TBL1X: variants seen among roughly 807,000 people sequenced by gnomAD.
The protein encoded by TBL1X is F-box-like/WD repeat-containing protein TBL1X.
A neutral mutation model predicts 50.7 loss-of-function variants in TBL1X; 10 were observed. That is an observed-to-expected ratio of 0.20 (90% CI 0.12 to 0.33). TBL1X has a LOEUF of 0.33. Ranked by LOEUF, TBL1X falls within the 10% of genes least tolerant of loss-of-function variation. The pLI, the probability that TBL1X is intolerant of heterozygous loss-of-function variation, is 1.00. For missense variants in TBL1X, 340 were observed against 504.4 expected, an observed-to-expected ratio of 0.67 and a Z score of 3.12; for synonymous variants, 190 against 214.7, an observed-to-expected ratio of 0.88 and a Z score of 1.01.
intron 2 of TBL1X, among the ~76,000 whole-genome samples, chrX:9,595,394 G>A (rs957228396): frequency 1.8e-5 from 2 of 112,220 alleles, no homozygotes; most frequent in South Asian, 3.7e-4. Flanking sequence ...ACTGGGTGCC[G>A]GCCTGGTGGC....
intron 1 of TBL1X, among the ~76,000 whole-genome samples, chrX:9,470,821 A>G (rs2081809962): frequency 9.1e-6 from 1 of 110,422 alleles, no homozygotes; most frequent in Non-Finnish European, 1.9e-5. Flanking sequence ...TTTAGTAGAG[A>G]TGGCATTTCA....
chrX:9,521,957 G>T (rs924394634), intron 2 of TBL1X, among the ~76,000 whole-genome samples: 1 of 110,478 alleles, frequency 9.1e-6, no homozygotes, highest in African/African-American at 3.3e-5. Context: ...TGCAACAGAG[G>T]AATTGAATTT....
At chrX:9,596,229 G>T (rs987743501) in intron 2 of TBL1X, among the ~76,000 whole-genome samples, 9 of 112,060 alleles carry the variant, frequency 8.0e-5, no homozygotes, top group African/African-American at 2.9e-4. Flanking sequence ...TAAAATATAT[G>T]AGAATGTTGA....
intron 2 of TBL1X, among the ~76,000 whole-genome samples, chrX:9,596,719 A>G (rs147622381): frequency 5.4e-5 from 6 of 111,029 alleles, no homozygotes; most frequent in African/African-American, 2.0e-4. Flanking sequence ...TCTGAAATCA[A>G]CCACTTAATC....
At position 9,709,450 on chromosome X, in the gene TBL1X, G is replaced by A. The variant is rs777014249; in HGVS notation, c.1311+128G>A. ...ACCACCCTCCCTTCCTCTGTCATCC[G>A]GTGAGCTACGATTTCTCAGTCATAG... On this transcript the variant is annotated intron_variant, in intron 14 of 17. Coordinates refer to ENST00000645353, the MANE Select transcript of TBL1X (RefSeq NM_005647.4). 21 of 964,876 alleles carry A rather than the reference G, an allele frequency of 2.2e-5. No individual in the cohort carries two copies. The African/African-American group carries it at 2.5e-4, about 12-fold the overall frequency. The allele number at this position is 964,876 out of a possible 1,213,427, so 79.5% of individuals were successfully genotyped here.
chrX:9,519,647 CA>C (rs1487590693), intron 2 of TBL1X, among the ~76,000 whole-genome samples: 1 of 111,797 alleles, frequency 8.9e-6, no homozygotes, highest in Non-Finnish European at 1.9e-5. Context: ...ATGAAGTAGG[CA>C]GGCAGGATCT....
chrX:9,710,816 A>G (rs770409148), intron 15 of TBL1X, among the ~76,000 whole-genome samples: 1 of 112,223 alleles, frequency 8.9e-6, no homozygotes, highest in African/African-American at 3.2e-5. Flanking sequence ...CCTGGCTTCA[A>G]GTGATCCTCC....
Position 9,705,169 on chromosome X carries a change from C to A in TBL1X, c.1236+55C>A, listed in dbSNP as rs753087926. 4.7e-5 allele frequency: 57 copies of A among 1,204,295 alleles called. No homozygotes were observed. In the African/African-American group the frequency reaches 9.1e-4, roughly 19 times the overall value. ...AGTTTGTGAGAATGTGATGTGGGAG[C>A]CGATTCTTGTGTGCCTAGAATTAAA... On this transcript the variant is annotated intron_variant, in intron 13 of 17. Transcript: ENST00000645353.
chrX:9,691,737 T>C, intron 8 of TBL1X, 26 bp downstream of exon 8: 1 of 1,205,594 alleles, frequency 8.3e-7, no homozygotes, highest in Non-Finnish European at 1.1e-6. Context: ...TGGGGGGCGC[T>C]CCAGAGTTGG....
At chrX:9,474,743 CTCAGGGCTCTG>C (rs1003426121) in intron 1 of TBL1X, among the ~76,000 whole-genome samples, 8 of 112,938 alleles carry the variant, frequency 7.1e-5, no homozygotes, top group African/African-American at 2.6e-4. Context: ...GACGGATGCC[CTCAGGGCTCTG>C]GAGAATTAGG....
intron 16 of TBL1X, among the ~76,000 whole-genome samples, chrX:9,714,304 C>G (rs1042463969): frequency 2.7e-5 from 3 of 112,390 alleles, no homozygotes; most frequent in Admixed American, 9.4e-5. Flanking sequence ...TCATGAATTA[C>G]AGTCAATTTA....
At chrX:9,610,609 T>C (rs2082608729) in intron 2 of TBL1X, among the ~76,000 whole-genome samples, 1 of 112,367 alleles carries the variant, frequency 8.9e-6, no homozygotes, top group Non-Finnish European at 1.9e-5. Flanking sequence ...AAATTCCCAT[T>C]CTTTTGCTGC....
chrX:9,485,824 C>T (rs1431933526), intron 1 of TBL1X, among the ~76,000 whole-genome samples: 1 of 112,267 alleles, frequency 8.9e-6, no homozygotes, highest in East Asian at 2.8e-4. Flanking sequence ...GCCAATTTGC[C>T]TTTCGGGTGT....
chrX:9,663,760 C>CAAAA (rs57927750), intron 5 of TBL1X, among the ~76,000 whole-genome samples: 5 of 39,307 alleles, frequency 1.3e-4, no homozygotes, highest in Middle Eastern at 0.02. Flanking sequence ...GATTCTGTCT[C>CAAAA]AAAAAAAAAA....
intron 5 of TBL1X, among the ~76,000 whole-genome samples, chrX:9,667,915 A>G (rs752189091): frequency 8.9e-5 from 10 of 111,929 alleles, no homozygotes; most frequent in East Asian, 2.8e-4. Context: ...ATATTTGACA[A>G]ACTTGCCAAG....
intron 5 of TBL1X, among the ~76,000 whole-genome samples, chrX:9,683,710 G>T (rs1029890214): frequency 6.3e-5 from 7 of 111,439 alleles, no homozygotes; most frequent in Non-Finnish European, 1.1e-4. Context: ...AGCCAAATTT[G>T]AGTAACAGAA....
chrX:9,477,201 G>A (rs905354610), intron 1 of TBL1X, among the ~76,000 whole-genome samples: 5 of 112,077 alleles, frequency 4.5e-5, no homozygotes, highest in Non-Finnish European at 9.4e-5. Context: ...GCACAACAGA[G>A]GACCAAGCCC....
intron 2 of TBL1X, among the ~76,000 whole-genome samples, chrX:9,606,917 C>T (rs1479972880): frequency 1.8e-5 from 2 of 112,186 alleles, no homozygotes; most frequent in Non-Finnish European, 3.8e-5. Flanking sequence ...AAATGTTGGC[C>T]TTTCCCTTTC....
intron 15 of TBL1X, among the ~76,000 whole-genome samples, chrX:9,710,216 CAA>C (rs35056016): frequency 0.3 from 16,622 of 54,805 alleles, 1,519 homozygotes; most frequent in Middle Eastern, 0.45. Flanking sequence ...GACCATGTCT[CAA>C]AAAAAAAAAA....
Sources: allele counts gnomAD v4.1 joint callset (sites outside exome capture counted in the v4.1 genomes callset), GRCh38; gene constraint gnomAD v4.1.1; transcripts MANE v1.5; gene names NCBI Gene and HGNC (gene_info 2026-07-23, HGNC 2026-07-21).